The following TDRD7 variants were observed in gnomAD, a reference collection of about 807,000 sequenced individuals.
TDRD7 encodes the protein tudor domain containing 7.
In TDRD7, 47 loss-of-function variants were observed where a neutral mutation model predicts 109.8. The observed-to-expected ratio is 0.43, with a 90% CI of 0.34 to 0.55. The LOEUF (loss-of-function observed/expected upper bound fraction) is 0.55, where lower values mean the gene tolerates loss of function less well. Ranked by LOEUF, TDRD7 falls within the 20% of genes least tolerant of loss-of-function variation. The probability of loss-of-function intolerance (pLI) is 0.03; values close to 1 mark genes in which losing one functional copy is unlikely to be tolerated. For synonymous variants in TDRD7, 424 were observed against 457.3 expected (o/e 0.93, Z 0.93); for missense variants, 1,164 against 1,319.2 (o/e 0.88, Z 1.82).
At chr9:97,472,180 A>C (rs1258143444) in intron 9 of TDRD7, 113 bp from the exon 10 acceptor site, 1 of 919,544 alleles carries the variant, frequency 1.1e-6, no homozygotes, top group Non-Finnish European at 1.7e-6. Context: ...AAATTTAATA[A>C]TTTTGCAGTA....
In TDRD7 at chr9:97,441,892, T is replaced by C. The variant is rs1828312962; in HGVS notation, c.855+17T>C. 2 of 1,606,156 alleles carry C rather than the reference T, an allele frequency of 1.2e-6. No homozygotes were observed. The highest frequency in any genetic ancestry group is 1.6e-4 in the Middle Eastern group (1 of 6,062). ...ATTTGCACGGTATGTTTTTCCTTAT[T>C]CCTCCCTTCTGATACCTCCTCCCTG... On this transcript the variant is annotated intron_variant, in intron 6 of 16. Coordinates refer to ENST00000355295, the MANE Select transcript of TDRD7 (RefSeq NM_014290.3).
chr9:97,478,673 A>C lies in TDRD7; in HGVS notation c.2301+100A>C, dbSNP rs1045660317. The C allele has an allele frequency of 3.9e-6, 6 of 1,552,274 alleles. No homozygotes were observed. The African/African-American group carries it at 8.1e-5, about 21-fold the overall frequency. ...CTCAGTTTTGATCTCATTAATTTTT[A>C]AGAAAATTGGAAATTGTCCAAATGT... On this transcript the variant is annotated intron_variant, in intron 13 of 16. Coordinates refer to ENST00000355295, the MANE Select transcript of TDRD7 (RefSeq NM_014290.3).
chr9:97,465,790 G>C (rs1342795653), intron 8 of TDRD7, among the ~76,000 whole-genome samples: 1 of 152,058 alleles, frequency 6.6e-6, no homozygotes, highest in Non-Finnish European at 1.5e-5. Flanking sequence ...TGAATAATGG[G>C]CCTGCTACTT....
intron 3 of TDRD7, among the ~76,000 whole-genome samples, chr9:97,431,692 G>A (rs1828106361): frequency 6.6e-6 from 1 of 152,124 alleles, no homozygotes; most frequent in South Asian, 2.1e-4. Flanking sequence ...CAAACAATGG[G>A]TAGAATTTGG....
intron 1 of TDRD7, among the ~76,000 whole-genome samples, chr9:97,421,095 A>G (rs907110871): frequency 2.0e-5 from 3 of 151,366 alleles, no homozygotes; most frequent in Non-Finnish European, 4.4e-5. Context: ...AGATCGGGCT[A>G]CTGCACTCCA....
intron 13 of TDRD7, among the ~76,000 whole-genome samples, chr9:97,479,892 G>T (rs1398046251): frequency 2.0e-5 from 3 of 152,212 alleles, no homozygotes; most frequent in Non-Finnish European, 2.9e-5. Flanking sequence ...CTCCTTAGGA[G>T]TTTGGGGCCT....
chr9:97,463,743 CA>C (rs1379156494), intron 7 of TDRD7, among the ~76,000 whole-genome samples: 1 of 152,168 alleles, frequency 6.6e-6, no homozygotes, highest in African/African-American at 2.4e-5. Flanking sequence ...CGCAAGAAAA[CA>C]GTAGCCTGTT....
rs1294794537 is a variant in TDRD7, at chr9:97,460,157, T to C, written c.856-21T>C. 3.7e-6 allele frequency: 6 copies of C among 1,604,206 alleles called. No individual in the cohort carries two copies. The South Asian group carries it at 4.4e-5, about 12-fold the overall frequency. Reference sequence around the variant, plus strand: ...TATAGTCACTGAAATATCTGTCATTTGCTTTATTTAAAAATTTCAGGTGGA... The same window carrying C: ...TATAGTCACTGAAATATCTGTCATTCGCTTTATTTAAAAATTTCAGGTGGA... On this transcript the variant is annotated intron_variant, in intron 6 of 16. Transcript: ENST00000355295.
intron 3 of TDRD7, 63 bp downstream of exon 3, chr9:97,431,137 T>A: frequency 6.3e-7 from 1 of 1,598,008 alleles, no homozygotes; most frequent in Non-Finnish European, 8.6e-7. Context: ...CATAGGGAAT[T>A]ATGGAAATAT....
intron 15 of TDRD7, among the ~76,000 whole-genome samples, chr9:97,486,581 G>T (rs1829215137): frequency 6.6e-6 from 1 of 152,052 alleles, no homozygotes; most frequent in Non-Finnish European, 1.5e-5. Context: ...GTACAAAACT[G>T]ATTTGATCTG....
At chr9:97,473,724 A>T in intron 11 of TDRD7, 98 bp downstream of exon 11, 1 of 1,531,326 alleles carries the variant, frequency 6.5e-7, no homozygotes. Context: ...TTTTTGTATG[A>T]ACGATTTTTT....
At chr9:97,474,807 C>T (rs1828986567) in intron 11 of TDRD7, among the ~76,000 whole-genome samples, 1 of 152,122 alleles carries the variant, frequency 6.6e-6, no homozygotes. Context: ...AACACACACC[C>T]TGAACAGAAA....
At chr9:97,462,545 G>A (rs887792409) in intron 7 of TDRD7, among the ~76,000 whole-genome samples, 1 of 152,144 alleles carries the variant, frequency 6.6e-6, no homozygotes, top group African/African-American at 2.4e-5. Flanking sequence ...ACTGGAAGCT[G>A]GATCTCTGGC....
intron 6 of TDRD7, among the ~76,000 whole-genome samples, chr9:97,458,951 A>T (rs1828664568): frequency 1.3e-5 from 2 of 152,198 alleles, no homozygotes; most frequent in Admixed American, 6.5e-5. Context: ...CTACCTAACC[A>T]GCATACTTTA....
chr9:97,445,379 G>A (rs982424498), intron 6 of TDRD7, among the ~76,000 whole-genome samples: 15 of 152,316 alleles, frequency 9.8e-5, no homozygotes, highest in Admixed American at 3.9e-4. Context: ...CATGGTCCTT[G>A]CCCTTATGGA....
At chr9:97,431,292 C>T (rs764206714) in intron 3 of TDRD7, among the ~76,000 whole-genome samples, 2 of 152,102 alleles carry the variant, frequency 1.3e-5, no homozygotes, top group Non-Finnish European at 2.9e-5. Flanking sequence ...TGGGAAATAA[C>T]TCAGAACAGA....
chr9:97,454,697 G>A (rs1437075439), intron 6 of TDRD7, among the ~76,000 whole-genome samples: 1 of 152,030 alleles, frequency 6.6e-6, no homozygotes, highest in Admixed American at 6.6e-5. Context: ...GTGTTAAGAG[G>A]GAAATGTATA....
chr9:97,432,415 A>G (rs1828120614), intron 4 of TDRD7, among the ~76,000 whole-genome samples, 177 bp downstream of exon 4: 1 of 152,188 alleles, frequency 6.6e-6, no homozygotes, highest in Admixed American at 6.5e-5. Context: ...CTCTAAGTGC[A>G]TCTCTATTCT....
At chr9:97,443,119 C>T (rs62557510) in intron 6 of TDRD7, among the ~76,000 whole-genome samples, 10,885 of 152,164 alleles carry the variant, frequency 0.072, 605 homozygotes, top group African/African-American at 0.16. Flanking sequence ...TTTTTGTAAC[C>T]ACTTTTTCCT....
Sources: allele counts gnomAD v4.1 joint callset (sites outside exome capture counted in the v4.1 genomes callset), GRCh38; gene constraint gnomAD v4.1.1; transcripts MANE v1.5; gene names NCBI Gene and HGNC (gene_info 2026-07-23, HGNC 2026-07-21).